The following GPAM variants were observed in gnomAD, a reference collection of about 807,000 sequenced individuals.
The protein encoded by GPAM is glycerol-3-phosphate acyltransferase, mitochondrial.
GPAM carries 56 observed loss-of-function variants against 105.0 expected under a neutral mutation model. The observed-to-expected ratio is 0.53, with a 90% confidence interval of 0.43 to 0.67. The LOEUF is 0.67. Among genes scored for constraint, GPAM ranks in the 30% least tolerant of loss-of-function variants. The pLI is 0.00. For synonymous variants in GPAM, 368 were observed against 354.4 expected, an observed-to-expected ratio of 1.04 and a Z score of -0.43; for missense variants, 855 against 989.8, an observed-to-expected ratio of 0.86 and a Z score of 1.83.
intron 1 of GPAM, among the ~76,000 whole-genome samples, chr10:112,198,668 C>A (rs1455547792): frequency 6.6e-6 from 1 of 152,204 alleles, no homozygotes; most frequent in Non-Finnish European, 1.5e-5. Context: ...AAGCCCACTT[C>A]TGGATGCATA....
intron 1 of GPAM, among the ~76,000 whole-genome samples, chr10:112,206,711 C>G (rs1484442114): frequency 1.3e-5 from 2 of 150,096 alleles, no homozygotes; most frequent in African/African-American, 4.9e-5. Flanking sequence ...GGAGATATAC[C>G]TAATGATAGA....
chr10:112,172,234 T>C lies in GPAM; in HGVS notation c.742A>G (p.Ile248Val). 1.2e-6 allele frequency: 2 copies of C among 1,608,720 alleles called. No homozygotes were observed. The highest frequency in any genetic ancestry group is 8.5e-7 in the Non-Finnish European group (1 of 1,175,148). ...LLTFILFCHN[I>V]KAPYIASGNN... ...CCTGAAGCAATGTATGGTGCTTTGA[T>C]GTTATGGCAGAAGAGAATGAAAGTG... Residue 248 changes from isoleucine to valine, a missense_variant, in exon 9 of 22, where the codon ATC becomes GTC. Coordinates refer to ENST00000348367, the MANE Select transcript of GPAM (RefSeq NM_001244949.2).
Position 112,151,000 on chromosome 10 carries a change from T to C in GPAM, c.*2550A>G. On this transcript the variant is annotated 3_prime_UTR_variant, in exon 22 of 22. Transcript: ENST00000348367. The stretch of plus-strand genomic sequence containing the variant: ...AGTTCTACACATTTCCCACTAGTTT[T>C]TGCCTTTGTTTTTCATGCATTTTCA... 3 of 985,774 alleles carry C rather than the reference T, an allele frequency of 3.0e-6. No homozygotes were observed. Among genetic ancestry groups the C allele is most frequent in the Non-Finnish European group, 3.6e-6 (3 of 829,854 alleles). 61.1% of individuals were successfully genotyped at this position (985,774 alleles called of 1,614,324 possible).
At chr10:112,200,244 T>TATATATAGAGAG (rs61460320) in intron 1 of GPAM, among the ~76,000 whole-genome samples, 1 of 123,552 alleles carries the variant, frequency 8.1e-6, no homozygotes, top group African/African-American at 3.1e-5. Flanking sequence ...TATATATATA[T>TATATATAGAGAG]AGAGAGAGAG....
At chr10:112,162,601 C>T (rs1472571028) in intron 14 of GPAM, among the ~76,000 whole-genome samples, 1 of 151,930 alleles carries the variant, frequency 6.6e-6, no homozygotes, top group East Asian at 1.9e-4. Flanking sequence ...CTTCATTCAC[C>T]ACTGGTAACT....
In GPAM at chr10:112,158,338, T is replaced by C. The variant is rs1319662979; in HGVS notation, c.1958A>G (p.Tyr653Cys). 4 of 1,597,862 alleles carry C rather than the reference T, an allele frequency of 2.5e-6. No homozygotes were observed. The highest frequency in any genetic ancestry group is 2.6e-6 in the Non-Finnish European group (3 of 1,165,220). ...TACCTCTGCCACTGTAAGAATGCCATACTGGATAAACTTTCCTACTGTTTC... is the reference window on the plus strand; with the variant it reads ...TACCTCTGCCACTGTAAGAATGCCACACTGGATAAACTTTCCTACTGTTTC... ...CHETVGKFIQYGILTVAEHDD... is the reference protein window; with the variant it reads ...CHETVGKFIQCGILTVAEHDD... The change falls in exon 18 of 22, where the codon TAT (tyrosine) becomes TGT (cysteine). Residue 653 changes from tyrosine (Y) to cysteine (C), a missense_variant. Physicochemically the swap from Tyr to Cys is radical, Grantham distance 194 (BLOSUM62 -2). Transcript: ENST00000348367.
rs763319134 is a variant in GPAM, at chr10:112,159,950, G to A, written c.1863C>T (p.Ser621=). 1.2e-6 allele frequency: 2 copies of A among 1,613,940 alleles called. No homozygotes were observed. Among genetic ancestry groups the A allele is most frequent in the East Asian group, 4.5e-5 (2 of 44,874 alleles). The part of the protein sequence containing the change: ...SQEQLVRKAA[S]LCYLLSNEGT... ...CTTCATTGGAGAGAAGGTAGCACAG[G>A]CTGGCCGCCTTCCGCACCAGCTGCT... The change falls in exon 17 of 22, where the codon AGC becomes AGT. Residue 621 remains serine (S), a synonymous_variant. Transcript: ENST00000348367.
At chr10:112,224,343 T>C in the GPAM span, among the ~76,000 whole-genome samples, 1 of 152,240 alleles carries the variant, frequency 6.6e-6, no homozygotes, top group African/African-American at 2.4e-5. Context: ...AAGTGCTGTT[T>C]TCCCATCTCC....
At chr10:112,163,097 G>A (rs1285053792) in intron 14 of GPAM, among the ~76,000 whole-genome samples, 1 of 152,154 alleles carries the variant, frequency 6.6e-6, no homozygotes, top group Non-Finnish European at 1.5e-5. Context: ...GGATTTTAAA[G>A]CAGCCTCCAC....
rs1409228421 is a variant in GPAM, at chr10:112,180,569, G to T, written c.129C>A (p.Ile43=). 6 of 1,611,846 alleles carry T rather than the reference G, an allele frequency of 3.7e-6. No individual in the cohort carries two copies. In the South Asian group the frequency reaches 5.5e-5, roughly 15 times the overall value. ...EWGECGFRPT[I]FRSATLKWKE... ...TCCATTTTAAAGTTGCAGATCTGAAGATGGTGGGTCTAAAGCCACACTCAC... is the reference window on the plus strand; with the variant it reads ...TCCATTTTAAAGTTGCAGATCTGAATATGGTGGGTCTAAAGCCACACTCAC... The change falls in exon 4 of 22, where the codon ATC becomes ATA. Residue 43 remains isoleucine, a synonymous_variant. Transcript: ENST00000348367.
chr10:112,190,590 T>C (rs1241154561), intron 1 of GPAM, among the ~76,000 whole-genome samples: 1 of 151,706 alleles, frequency 6.6e-6, no homozygotes, highest in Non-Finnish European at 1.5e-5. Flanking sequence ...TATGGCATAA[T>C]AAGGACTTCA....
chr10:112,175,125 C>G lies in GPAM; in HGVS notation c.413+475G>C, dbSNP rs77282320. Among the ~76,000 whole-genome samples the G allele has an allele frequency of 7.5e-4, 114 of 152,240 alleles. 1 individual carries two copies. Among genetic ancestry groups the G allele is most frequent in the African/African-American group, 2.6e-3 (110 of 41,532 alleles). On this transcript the variant is annotated intron_variant, in intron 6 of 21. Transcript: ENST00000348367. ...TCCAATCAGTCTTTCCTATTGTAAGCAAGCTCCTGTAAGAGCAAAGGCAGT... is the reference window on the plus strand; with the variant it reads ...TCCAATCAGTCTTTCCTATTGTAAGGAAGCTCCTGTAAGAGCAAAGGCAGT...
chr10:112,183,175 C>A (rs1397268964), intron 1 of GPAM, among the ~76,000 whole-genome samples: 3 of 152,198 alleles, frequency 2.0e-5, no homozygotes, highest in Non-Finnish European at 4.4e-5. Flanking sequence ...AACTTCTATG[C>A]CTTAGTTTTC....
In GPAM at chr10:112,160,598, A is replaced by T; in HGVS notation, c.1759+6T>A. 6.2e-7 allele frequency: 1 copy of T among 1,610,774 alleles called. No homozygotes were observed. On this transcript the variant is annotated splice_donor_region_variant and intron_variant, in intron 16 of 21. Transcript: ENST00000348367. ...ATTACTGAAAATATTTCAAGGTCTG[A>T]CATACCTATGATGGCCTCCATGATA...
At chr10:112,218,252 T>C (rs536742352), upstream of GPAM, among the ~76,000 whole-genome samples, 1 of 152,256 alleles carries the variant, frequency 6.6e-6, no homozygotes, top group East Asian at 1.9e-4. Context: ...CTGAGGAGGA[T>C]GCCATACAGA....
At position 112,174,083 on chromosome 10, in the gene GPAM, T is replaced by A. The variant is rs532397756; in HGVS notation, c.414-238A>T. ...AGGAATCTGGAAAGCAGACTAAGAA[T>A]TTAATTCAAATTTACTGGGTGAATT... On this transcript the variant is annotated intron_variant, in intron 6 of 21. Coordinates refer to ENST00000348367, the MANE Select transcript of GPAM (RefSeq NM_001244949.2). 2.6e-5 allele frequency among the ~76,000 whole-genome samples: 4 copies of A among 151,438 alleles called. No homozygotes were observed. In the East Asian group the frequency reaches 7.8e-4, roughly 30 times the overall value.
chr10:112,218,582 T>C (rs946903324), upstream of GPAM, among the ~76,000 whole-genome samples: 1 of 151,692 alleles, frequency 6.6e-6, no homozygotes, highest in African/African-American at 2.4e-5. Context: ...GTCCACAGAG[T>C]GAAGTGAAAG....
At chr10:112,160,145 C>T in intron 16 of GPAM, 92 bp from the exon 17 acceptor site, 2 of 1,251,744 alleles carry the variant, frequency 1.6e-6, no homozygotes, top group Non-Finnish European at 1.2e-6. Flanking sequence ...ATTATTAATA[C>T]ATCAAAAATA....
intron 14 of GPAM, 152 bp from the exon 15 acceptor site, chr10:112,161,889 T>G: frequency 1.4e-6 from 1 of 705,132 alleles, no homozygotes; most frequent in Non-Finnish European, 2.6e-6. Flanking sequence ...AAGGAAGTTA[T>G]AATACTACAG....
Sources: gnomAD v4.1 joint callset for allele counts (sites outside exome capture counted in the v4.1 genomes callset) on GRCh38, gnomAD v4.1.1 for gene constraint, MANE v1.5 for transcripts, NCBI Gene and HGNC (gene_info 2026-07-23, HGNC 2026-07-21) for gene names.